Variants in PPFIBP2 observed in about 807,000 individuals in gnomAD.
The protein encoded by PPFIBP2 is PPFIB scaffold protein 2, also known as liprin-beta-2.
Under a neutral mutation model 118.3 loss-of-function variants are expected in PPFIBP2, and 118 were observed. The ratio of observed to expected loss-of-function variants is 1.00; its 90% CI spans 0.86 to 1.16. PPFIBP2 has a LOEUF of 1.16. Among genes scored for constraint, PPFIBP2 ranks in the 50% most tolerant of loss-of-function variants. PPFIBP2 has a pLI of 0.00. For synonymous variants in PPFIBP2, 414 were observed against 397.4 expected (o/e 1.04, Z -0.50); for missense variants, 1,195 against 1,073.1 (o/e 1.11, Z -1.59).
At chr11:7,617,255 G>C in intron 6 of PPFIBP2, 1 of 985,422 alleles carries the variant, frequency 1.0e-6, no homozygotes, top group Non-Finnish European at 1.2e-6. Flanking sequence ...CCGAGCCCCA[G>C]CCCTGCAGCC....
At chr11:7,572,080 T>G (rs1280793637) in intron 3 of PPFIBP2, 1 of 152,162 alleles carries the variant, frequency 6.6e-6, no homozygotes, top group Admixed American at 6.5e-5. Context: ...CTCCACTGTT[T>G]AGGGTGGGGG....
chr11:7,655,610 T>TTAAA, downstream of PPFIBP2: 1 of 893,328 alleles, frequency 1.1e-6, no homozygotes, highest in East Asian at 6.2e-5. Context: ...AGAATGGTGC[T>TTAAA]TAGTGCTGGG....
chr11:7,536,933 G>A (rs1396236750), intron 1 of PPFIBP2, among the ~76,000 whole-genome samples: 3 of 152,182 alleles, frequency 2.0e-5, no homozygotes, highest in Non-Finnish European at 4.4e-5. Context: ...AGGAAGTGTG[G>A]GAAGGGAGGG....
chr11:7,519,201 TAAA>T (rs936443944), intron 1 of PPFIBP2, among the ~76,000 whole-genome samples: 1 of 152,018 alleles, frequency 6.6e-6, no homozygotes, highest in African/African-American at 2.4e-5. Flanking sequence ...CTTGCGGGGT[TAAA>T]GAAGATGGTT....
intron 1 of PPFIBP2, among the ~76,000 whole-genome samples, chr11:7,546,946 A>G (rs981720746): frequency 6.6e-6 from 1 of 152,166 alleles, no homozygotes; most frequent in African/African-American, 2.4e-5. Flanking sequence ...ACTAGGTCTG[A>G]TTTATCAGTA....
At chr11:7,665,560 G>A in the PPFIBP2 span, 12 of 1,591,472 alleles carry the variant, frequency 7.5e-6, no homozygotes, top group Admixed American at 1.8e-5. Flanking sequence ...AAATGAAGGA[G>A]ATGCAGGAGC....
At chr11:7,606,058 G>A (rs1182721968) in intron 5 of PPFIBP2, 2 of 1,523,036 alleles carry the variant, frequency 1.3e-6, no homozygotes, top group South Asian at 2.5e-5. Context: ...CCTGAAGGAA[G>A]TAGGTTGGTT....
At chr11:7,525,597 T>C (rs969513200) in intron 1 of PPFIBP2, among the ~76,000 whole-genome samples, 8 of 152,178 alleles carry the variant, frequency 5.3e-5, no homozygotes, top group Admixed American at 2.0e-4. Flanking sequence ...ATCAGGTGGC[T>C]GGTCACCCAC....
chr11:7,665,972 G>GT, the PPFIBP2 span: 8 of 1,478,644 alleles, frequency 5.4e-6, no homozygotes, highest in Admixed American at 5.9e-5. Context: ...CGGGAGCAGT[G>GT]TGAGAGGCGC....
At chr11:7,596,873 G>A (rs1860419341) in intron 4 of PPFIBP2, among the ~76,000 whole-genome samples, 1 of 152,210 alleles carries the variant, frequency 6.6e-6, no homozygotes, top group Non-Finnish European at 1.5e-5. Context: ...ATGACTTCCT[G>A]TAAATGAGTT....
intron 3 of PPFIBP2, among the ~76,000 whole-genome samples, chr11:7,570,812 C>A (rs1855576751): frequency 6.6e-6 from 1 of 152,222 alleles, no homozygotes; most frequent in Non-Finnish European, 1.5e-5. Context: ...TGAGCCTCTT[C>A]TTCACTTCTG....
At chr11:7,641,764 A>C in intron 16 of PPFIBP2, 144 bp downstream of exon 16, 1 of 886,406 alleles carries the variant, frequency 1.1e-6, no homozygotes, top group Admixed American at 2.7e-5. Context: ...AGAATCTGAG[A>C]TATTTTCCAG....
At chr11:7,663,470 G>A in the PPFIBP2 span, among the ~76,000 whole-genome samples, 14 of 152,274 alleles carry the variant, frequency 9.2e-5, no homozygotes, top group South Asian at 2.3e-3. Context: ...AGGGGTCAGT[G>A]GTCAGGGACC....
At chr11:7,520,854 T>C (rs555662044) in intron 1 of PPFIBP2, among the ~76,000 whole-genome samples, 11 of 152,358 alleles carry the variant, frequency 7.2e-5, no homozygotes, top group Admixed American at 7.2e-4. Context: ...TGTCTCTGTC[T>C]TCATGGAATC....
downstream of PPFIBP2, among the ~76,000 whole-genome samples, chr11:7,660,577 A>G (rs1186406550): frequency 2.2e-3 from 334 of 150,472 alleles, no homozygotes; most frequent in African/African-American, 7.6e-3. Flanking sequence ...TTTTGCATCA[A>G]TGTTCATCAA....
intron 17 of PPFIBP2, among the ~76,000 whole-genome samples, chr11:7,646,540 G>C (rs567556949): frequency 6.6e-6 from 1 of 152,268 alleles, no homozygotes; most frequent in Admixed American, 6.5e-5. Flanking sequence ...AGCAGTCAAA[G>C]AGTATCCACC....
chr11:7,648,692 G>A lies in PPFIBP2; in HGVS notation c.1798-108G>A, dbSNP rs1179275498. The A allele has an allele frequency of 7.7e-6, 11 of 1,420,624 alleles. No homozygotes were observed. The East Asian group carries it at 2.3e-4, about 29-fold the overall frequency. 88.0% of individuals were successfully genotyped at this position (1,420,624 alleles called of 1,614,324 possible). The stretch of plus-strand genomic sequence containing the variant: ...GCAGGTTGGCATCCCAGGGCACGGT[G>A]TGGAGATACACTGCCATACTCAGAG... On this transcript the variant is annotated intron_variant, in intron 18 of 23. Transcript: ENST00000299492.
At chr11:7,653,798 A>T, downstream of PPFIBP2, 8 of 1,194,376 alleles carry the variant, frequency 6.7e-6, no homozygotes, top group Non-Finnish European at 7.4e-6. Context: ...GGGGAAAAAG[A>T]GCTGAGGGTA....
intron 1 of PPFIBP2, among the ~76,000 whole-genome samples, chr11:7,536,195 G>A (rs1851196559): frequency 6.6e-6 from 1 of 152,208 alleles, no homozygotes; most frequent in Non-Finnish European, 1.5e-5. Context: ...CACCGAGGCA[G>A]TCCAACCCCA....
Sources: gnomAD v4.1 joint callset for allele counts (sites outside exome capture counted in the v4.1 genomes callset) on GRCh38, gnomAD v4.1.1 for gene constraint, MANE v1.5 for transcripts, NCBI Gene and HGNC (gene_info 2026-07-23, HGNC 2026-07-21) for gene names.